ACSS3: variants seen among roughly 807,000 people sequenced by gnomAD.
ACSS3 encodes the protein acyl-CoA synthetase short-chain family member 3, mitochondrial.
ACSS3 carries 64 observed loss-of-function variants against 84.2 expected under a neutral mutation model. The ratio of observed to expected loss-of-function variants is 0.76; its 90% CI spans 0.62 to 0.94. ACSS3 has a LOEUF of 0.94. ACSS3 is among the 40% of genes least tolerant of loss of function. The pLI, the probability that ACSS3 is intolerant of heterozygous loss-of-function variation, is 0.00. For synonymous variants in ACSS3, 317 were observed against 310.1 expected (o/e 1.02, Z -0.23); for missense variants, 815 against 867.6 (o/e 0.94, Z 0.76).
chr12:81,148,299 A>T (rs920384439), intron 5 of ACSS3, among the ~76,000 whole-genome samples: 1 of 152,206 alleles, frequency 6.6e-6, no homozygotes, highest in African/African-American at 2.4e-5. Flanking sequence ...CCAAAACTGC[A>T]CACAACATTT....
At chr12:81,214,776 C>T (rs2032840058) in intron 9 of ACSS3, among the ~76,000 whole-genome samples, 1 of 152,186 alleles carries the variant, frequency 6.6e-6, no homozygotes. Context: ...TGAGAATCCA[C>T]ACTGTAAGAA....
intron 2 of ACSS3, among the ~76,000 whole-genome samples, chr12:81,130,491 A>C (rs912420391): frequency 6.6e-6 from 1 of 151,976 alleles, no homozygotes; most frequent in Non-Finnish European, 1.5e-5. Context: ...TTTTTCTTGT[A>C]AATTTGTTTA....
intron 7 of ACSS3, among the ~76,000 whole-genome samples, chr12:81,168,844 C>A (rs1431558895): frequency 6.6e-6 from 1 of 152,176 alleles, no homozygotes; most frequent in African/African-American, 2.4e-5. Flanking sequence ...TTAGAAACAG[C>A]TAGTGTTACA....
chr12:81,220,575 T>C (rs1363909265), intron 11 of ACSS3, among the ~76,000 whole-genome samples: 1 of 151,990 alleles, frequency 6.6e-6, no homozygotes, highest in Non-Finnish European at 1.5e-5. Flanking sequence ...CAGGCAGTTT[T>C]TCAACCCTTG....
At chr12:81,119,640 C>G (rs1040399485) in intron 2 of ACSS3, among the ~76,000 whole-genome samples, 2 of 152,140 alleles carry the variant, frequency 1.3e-5, no homozygotes, top group Non-Finnish European at 2.9e-5. Context: ...ATCTTCCCTA[C>G]TTGCACGTCC....
At chr12:81,179,235 C>T (rs1202902077) in intron 8 of ACSS3, among the ~76,000 whole-genome samples, 1 of 82,356 alleles carries the variant, frequency 1.2e-5, no homozygotes, top group Non-Finnish European at 2.2e-5. Flanking sequence ...TAGGCCCTGG[C>T]AAAGATTTCA....
intron 1 of ACSS3, among the ~76,000 whole-genome samples, chr12:81,107,721 T>G (rs1292022933): frequency 6.6e-6 from 1 of 151,480 alleles, no homozygotes; most frequent in Non-Finnish European, 1.5e-5. Context: ...AGAGTTTATT[T>G]CCATATGTCT....
chr12:81,174,576 G>A (rs931511912), intron 7 of ACSS3: 1 of 405,026 alleles, frequency 2.5e-6, no homozygotes, highest in Non-Finnish European at 4.2e-6. Context: ...TAATTTGAAA[G>A]GTTTTAGGAT....
chr12:81,237,157 G>A (rs1047648456), intron 13 of ACSS3, among the ~76,000 whole-genome samples: 8 of 151,472 alleles, frequency 5.3e-5, no homozygotes, highest in African/African-American at 1.9e-4. Flanking sequence ...TCTAACTCCT[G>A]GGAATTAATC....
intron 11 of ACSS3, 83 bp from the exon 12 acceptor site, chr12:81,230,974 C>A: frequency 9.8e-7 from 1 of 1,019,518 alleles, no homozygotes; most frequent in South Asian, 1.4e-5. Flanking sequence ...AATTATCTGT[C>A]ACAGTAGAAA....
intron 1 of ACSS3, among the ~76,000 whole-genome samples, chr12:81,094,184 CTGTGTGTGTGTGTGTG>C (rs34746505): frequency 6.8e-6 from 1 of 146,668 alleles, no homozygotes; most frequent in East Asian, 2.0e-4. Flanking sequence ...GTCTCTCTCT[CTGTGTGTGTGTGTGTG>C]TGTGTGTGTG....
At chr12:81,114,943 A>C (rs1035935120) in intron 2 of ACSS3, among the ~76,000 whole-genome samples, 1 of 152,142 alleles carries the variant, frequency 6.6e-6, no homozygotes, top group Non-Finnish European at 1.5e-5. Context: ...CATGATTGCT[A>C]TTCAGACATC....
At chr12:81,179,206 C>CA (rs1314416902) in intron 8 of ACSS3, among the ~76,000 whole-genome samples, 2 of 115,536 alleles carry the variant, frequency 1.7e-5, no homozygotes, top group Non-Finnish European at 3.4e-5. Flanking sequence ...AGAATTTATA[C>CA]AAAATAGCAT....
chr12:81,196,855 T>C (rs2031860739), intron 8 of ACSS3, among the ~76,000 whole-genome samples: 1 of 152,090 alleles, frequency 6.6e-6, no homozygotes, highest in South Asian at 2.1e-4. Context: ...CTTATTACCA[T>C]GGGGAGGACA....
chr12:81,208,937 A>C (rs11114789), intron 9 of ACSS3, among the ~76,000 whole-genome samples: 12,207 of 152,264 alleles, frequency 0.08, 688 homozygotes, highest in Non-Finnish European at 0.12. Flanking sequence ...TAGTGAATAG[A>C]ATATATTCGA....
intron 11 of ACSS3, among the ~76,000 whole-genome samples, chr12:81,229,010 G>C (rs1362187746): frequency 1.3e-5 from 2 of 151,736 alleles, no homozygotes; most frequent in Non-Finnish European, 2.9e-5. Flanking sequence ...CTAAGAAACA[G>C]CTGTTCCCCT....
At chr12:81,096,608 C>T (rs1356066111) in intron 1 of ACSS3, among the ~76,000 whole-genome samples, 4 of 152,276 alleles carry the variant, frequency 2.6e-5, no homozygotes, top group South Asian at 2.1e-4. Flanking sequence ...TCTCCTAACG[C>T]TATCCCTCCC....
intron 7 of ACSS3, among the ~76,000 whole-genome samples, chr12:81,169,828 C>G (rs941116141): frequency 6.6e-6 from 1 of 152,038 alleles, no homozygotes; most frequent in African/African-American, 2.4e-5. Context: ...TATCACTCTC[C>G]TGAAATAAAC....
rs555443403 is a variant in ACSS3, at chr12:81,134,968, T to C, written c.609T>C (p.Ala203=). ...ACAGTCTCATATTTGGAGGATTTGC[T>C]TCCAAAGAACTAAGTAGTCGCATTG... is the stretch of plus-strand genomic sequence containing the variant. The part of the protein sequence containing the change: ...AIHSLIFGGF[A]SKELSSRIDH... The change falls in exon 3 of 16, where the codon GCT becomes GCC. Residue 203 remains alanine (A), a synonymous_variant. Coordinates refer to ENST00000548058, the MANE Select transcript of ACSS3 (RefSeq NM_024560.4). 1 of 1,606,308 alleles carries C rather than the reference T, an allele frequency of 6.2e-7. No individual in the cohort carries two copies. Among genetic ancestry groups the C allele is most frequent in the Admixed American group, 1.7e-5 (1 of 59,186 alleles).
Sources: allele counts gnomAD v4.1 joint callset (sites outside exome capture counted in the v4.1 genomes callset), GRCh38; gene constraint gnomAD v4.1.1; transcripts MANE v1.5; gene names NCBI Gene and HGNC (gene_info 2026-07-23, HGNC 2026-07-21).